The following COL17A1 variants were observed in gnomAD, a reference collection of about 807,000 sequenced individuals.
COL17A1 encodes the protein collagen alpha-1(XVII) chain.
COL17A1 carries 181 observed loss-of-function variants against 218.4 expected under a neutral mutation model. The ratio of observed to expected loss-of-function variants is 0.83; its 90% confidence interval spans 0.73 to 0.94. COL17A1 has a LOEUF of 0.94. Ranked by LOEUF, COL17A1 falls within the 40% of genes least tolerant of loss-of-function variation. COL17A1 has a pLI of 0.00. For missense variants in COL17A1, 1,924 were observed against 1,945.9 expected, an observed-to-expected ratio of 0.99 and a Z score of 0.21; for synonymous variants, 721 against 731.0, an observed-to-expected ratio of 0.99 and a Z score of 0.22.
rs573487645 is a variant in COL17A1, at chr10:104,061,790, G to A, written c.911-317C>T. Among the ~76,000 whole-genome samples, 5 of 149,464 alleles carry A rather than the reference G, an allele frequency of 3.3e-5. No homozygotes were observed. In the South Asian group the frequency reaches 1.0e-3, roughly 31 times the overall value. ...TTCCCATTGTCTTATAGAGCCTCTCGTTGTCTCATGTGTGTTAGACTTTCT... is the reference window on the plus strand; with the variant it reads ...TTCCCATTGTCTTATAGAGCCTCTCATTGTCTCATGTGTGTTAGACTTTCT... On this transcript the variant is annotated intron_variant, in intron 12 of 55. Transcript: ENST00000648076.
At chr10:104,076,503 T>C in intron 4 of COL17A1, 74 bp from the exon 5 acceptor site, 1 of 1,603,996 alleles carries the variant, frequency 6.2e-7, no homozygotes, top group Non-Finnish European at 8.5e-7. Context: ...GTGACCCAGC[T>C]ATATTAACCA....
In COL17A1 at chr10:104,050,673, C is replaced by T. The variant is rs1400542649; in HGVS notation, c.2093-17G>A. On this transcript the variant is annotated splice_polypyrimidine_tract_variant and intron_variant, in intron 26 of 55. Coordinates refer to ENST00000648076, the MANE Select transcript of COL17A1 (RefSeq NM_000494.4). Reference sequence around the variant, plus strand: ...CTTTGTCACCTAAAAAGGAAATGGACACCTTGGTGTAAAATGCCCTACAAG... The same window carrying T: ...CTTTGTCACCTAAAAAGGAAATGGATACCTTGGTGTAAAATGCCCTACAAG... 3 of 1,614,084 alleles carry T rather than the reference C, an allele frequency of 1.9e-6. No individual in the cohort carries two copies. Among genetic ancestry groups the T allele is most frequent in the Middle Eastern group, 1.7e-4 (1 of 5,966 alleles).
In COL17A1 at chr10:104,035,536, C is replaced by T. The variant is rs762426865; in HGVS notation, c.3446G>A (p.Gly1149Asp). The T allele has an allele frequency of 6.2e-7, 1 of 1,613,836 alleles. No homozygotes were observed. The highest frequency in any genetic ancestry group is 8.5e-7 in the Non-Finnish European group (1 of 1,179,896). ...CGGCAAGCCAGGGGGCCCCGGGGGA[C>T]CAGGAAGCCCAATGCTGATCCCAGA... ...SSSGISIGLPGPPGPPGLPGT... is the reference protein window; with the variant it reads ...SSSGISIGLPDPPGPPGLPGT... The change falls in exon 49 of 56, where the codon GGT becomes GAT. Residue 1149 changes from glycine to aspartate, a missense_variant. Physicochemically the swap from Gly to Asp is moderately conservative, Grantham distance 94. Coordinates refer to ENST00000648076, the MANE Select transcript of COL17A1 (RefSeq NM_000494.4).
intron 1 of COL17A1, among the ~76,000 whole-genome samples, chr10:104,084,207 GAAAC>G (rs1194785507): frequency 6.6e-6 from 1 of 152,156 alleles, no homozygotes; most frequent in Non-Finnish European, 1.5e-5. Flanking sequence ...AATGGCAAAT[GAAAC>G]AAACAATGTA....
At chr10:104,050,319 C>T (rs2086456144) in intron 27 of COL17A1, among the ~76,000 whole-genome samples, 195 bp from the exon 28 acceptor site, 1 of 152,150 alleles carries the variant, frequency 6.6e-6, no homozygotes, top group African/African-American at 2.4e-5. Flanking sequence ...AGTTCCCCCC[C>T]TACAAACTGA....
chr10:104,068,169 A>G (rs2086642608), intron 9 of COL17A1, among the ~76,000 whole-genome samples: 1 of 152,224 alleles, frequency 6.6e-6, no homozygotes, highest in Admixed American at 6.5e-5. Context: ...TAATTCCCAG[A>G]TTTTAAAATA....
chr10:104,057,071 G>C lies in COL17A1; in HGVS notation c.1369C>G (p.Pro457Ala), dbSNP rs781186018. The change falls in exon 17 of 56, where the codon CCC becomes GCC. Residue 457 changes from proline (P) to alanine (A), a missense_variant. Pro to Ala is a conservative substitution (Grantham distance 27, BLOSUM62 -1). Transcript: ENST00000648076. ...GPWGPAPAWC[P>A]CGSCCSWWKW... ...CACCAGCTGCAGCAGGAGCCGCAGG[G>C]GCACCAGGCTGGCGCTGGTCCCCAA... 187 of 1,611,238 alleles carry C rather than the reference G, an allele frequency of 1.2e-4. No individual in the cohort carries two copies. Among genetic ancestry groups the C allele is most frequent in the Non-Finnish European group, 1.5e-4 (181 of 1,179,018 alleles).
intron 9 of COL17A1, among the ~76,000 whole-genome samples, chr10:104,068,910 TG>T (rs56856409): frequency 0.04 from 6,027 of 151,684 alleles, 392 homozygotes; most frequent in African/African-American, 0.14. Flanking sequence ...GGATGGGAGG[TG>T]GGTGCTCCCT....
At position 104,055,979 on chromosome 10, in the gene COL17A1, G is replaced by T. The variant is rs891851793; in HGVS notation, c.1490C>A (p.Ala497Glu). 4.3e-6 allele frequency: 7 copies of T among 1,613,958 alleles called. No individual in the cohort carries two copies. The highest frequency in any genetic ancestry group is 5.9e-6 in the Non-Finnish European group (7 of 1,180,014). ...GATCCTCTCCAGCTCATCCACACGC[G>T]CCTTCAGCTTCCTCACCTCCTCCGC... is the stretch of plus-strand genomic sequence containing the variant. ...ALAEEVRKLK[A>E]RVDELERIRR... Residue 497 changes from alanine to glutamate, a missense_variant, in exon 18 of 56, where the codon GCG becomes GAG. Transcript: ENST00000648076.
At chr10:104,054,864 C>T (rs2086504634) in intron 20 of COL17A1, 117 bp downstream of exon 20, 6 of 1,497,272 alleles carry the variant, frequency 4.0e-6, no homozygotes, top group East Asian at 4.7e-5. Flanking sequence ...CACACCTGTC[C>T]CATCTGTTGT....
At position 104,032,230 on chromosome 10, in the gene COL17A1, C is replaced by CTA; in HGVS notation, c.*3_*4dup. The CTA allele has an allele frequency of 6.2e-7, 1 of 1,612,448 alleles. No individual in the cohort carries two copies. Among genetic ancestry groups the CTA allele is most frequent in the Non-Finnish European group, 8.5e-7 (1 of 1,178,490 alleles). ...TGGTCCAGGAGCTGTCCTGCCATGGCTAGCTCACGGCTTGACAGCAATACT... is the reference window on the plus strand; with the variant it reads ...TGGTCCAGGAGCTGTCCTGCCATGGCTATAGCTCACGGCTTGACAGCAATACT... On this transcript the variant is annotated 3_prime_UTR_variant, in exon 56 of 56. Transcript: ENST00000648076.
rs201385541 is a variant in COL17A1 at position 104,055,443 on chromosome 10, G to GTC, written c.1688-44_1688-43dup. On this transcript the variant is annotated intron_variant, in intron 18 of 55. Coordinates refer to ENST00000648076, the MANE Select transcript of COL17A1 (RefSeq NM_000494.4). Reference sequence around the variant, plus strand: ...ATCCTGAGTCAGCTTCACATCTCCTGTCACACACACACACACACACACACA... The same window carrying GTC: ...ATCCTGAGTCAGCTTCACATCTCCTGTCTCACACACACACACACACACACACA... 0.14 allele frequency: 112,380 copies of GTC among 823,788 alleles called. 13,187 individuals are homozygous for GTC. Among genetic ancestry groups the GTC allele is most frequent in the African/African-American group, 0.2 (6,592 of 32,296 alleles). The allele number at this position is 823,788 out of a possible 1,614,324, so 51.0% of individuals were successfully genotyped here. A position where few individuals can be genotyped will look rare whatever the true frequency, so the allele number is the denominator to read the frequency against.
intron 47 of COL17A1, 104 bp from the exon 48 acceptor site, chr10:104,036,736 G>A (rs1424366908): frequency 1.4e-6 from 2 of 1,404,082 alleles, no homozygotes; most frequent in African/African-American, 2.8e-5. Flanking sequence ...GCTCCTGCGT[G>A]ACATTTGTGA....
chr10:104,052,403 T>C (rs1241277309), intron 23 of COL17A1, among the ~76,000 whole-genome samples, 186 bp from the exon 24 acceptor site: 4 of 152,220 alleles, frequency 2.6e-5, no homozygotes, highest in South Asian at 2.1e-4. Context: ...TTATAGTCTA[T>C]GGAGTTTGAC....
intron 2 of COL17A1, among the ~76,000 whole-genome samples, chr10:104,079,952 T>C (rs997591567): frequency 1.3e-5 from 2 of 152,088 alleles, no homozygotes; most frequent in African/African-American, 4.8e-5. Context: ...GGAAATGTTT[T>C]TGTAGAGTGC....
chr10:104,035,696 G>T (rs1373834171), intron 48 of COL17A1, 133 bp from the exon 49 acceptor site: 3 of 741,916 alleles, frequency 4.0e-6, no homozygotes, highest in African/African-American at 3.5e-5. Flanking sequence ...CAGGAAGAGA[G>T]GCAGAGAGGA....
Position 104,043,519 on chromosome 10 carries a change from C to A in COL17A1, c.2497G>T (p.Gly833Ter). The change falls in exon 35 of 56, where the codon GGA (glycine) becomes TGA (stop). Residue 833 changes from glycine to a stop codon, truncating the protein, a stop_gained. Coordinates refer to ENST00000648076, the MANE Select transcript of COL17A1 (RefSeq NM_000494.4). LOFTEE classifies it high-confidence loss of function. The part of the protein sequence containing the change: ...PGPPGAMGPP[G>*]PPGAPGPAGP... ...GACTGACCTGGGGCACCTGGAGGTC[C>A]TGGGGGTCCCATGGCTCCAGGAGGT... 1 of 1,610,808 alleles carries A rather than the reference C, an allele frequency of 6.2e-7. No homozygotes were observed.
chr10:104,045,752 A>C lies in COL17A1; in HGVS notation c.2398+6T>G, dbSNP rs1240693912. On this transcript the variant is annotated splice_donor_region_variant and intron_variant, in intron 33 of 55. Transcript: ENST00000648076. Reference sequence around the variant, plus strand: ...AGAAAGAAATCTCATTTGGAAATTCACTTACCTTTTATTCCTGGTCGGCCA... The same window carrying C: ...AGAAAGAAATCTCATTTGGAAATTCCCTTACCTTTTATTCCTGGTCGGCCA... 1.2e-6 allele frequency: 2 copies of C among 1,608,584 alleles called. No individual in the cohort carries two copies. Among genetic ancestry groups the C allele is most frequent in the Admixed American group, 3.3e-5 (2 of 60,028 alleles).
rs1589572465 is a variant in COL17A1, at chr10:104,064,418, G to A, written c.766+20C>T. On this transcript the variant is annotated intron_variant, in intron 10 of 55. Coordinates refer to ENST00000648076, the MANE Select transcript of COL17A1 (RefSeq NM_000494.4). ...GCCGAGTTCAGGGGTGAGAGAGGGT[G>A]TGGGCTGCCCGCCAGGTACCTGATC... 1.9e-6 allele frequency: 3 copies of A among 1,613,904 alleles called. No homozygotes were observed. Among genetic ancestry groups the A allele is most frequent in the South Asian group, 2.2e-5 (2 of 91,054 alleles).
Sources: allele counts gnomAD v4.1 joint callset (sites outside exome capture counted in the v4.1 genomes callset), GRCh38; gene constraint gnomAD v4.1.1; transcripts MANE v1.5; gene names NCBI Gene and HGNC (gene_info 2026-07-23, HGNC 2026-07-21).